Variants in PROS1 observed in about 807,000 individuals in gnomAD.
PROS1 encodes the protein vitamin K-dependent protein S.
PROS1 carries 29 observed loss-of-function variants against 75.9 expected under a neutral mutation model. The observed-to-expected ratio is 0.38, with a 90% CI of 0.28 to 0.52. The LOEUF is 0.52. PROS1 is among the 20% of genes least tolerant of loss of function. PROS1 has a pLI of 0.83. For synonymous variants in PROS1, 245 were observed against 280.6 expected (o/e 0.87, Z 1.27); for missense variants, 680 against 810.3 (o/e 0.84, Z 1.95).
At position 93,907,909 on chromosome 3, in the gene PROS1, C is replaced by A. The variant is rs1053862491; in HGVS notation, c.347-1766G>T. Among the ~76,000 whole-genome samples the A allele has an allele frequency of 3.2e-4, 48 of 152,260 alleles. 1 individual carries two copies. Among genetic ancestry groups the A allele is most frequent in the Middle Eastern group, 6.8e-3 (2 of 294 alleles). ...AGGTGTGATGGCTCACACCTGTAATCCCAGCACTTTGGGAGACCAAGGCAG... is the reference window on the plus strand; with the variant it reads ...AGGTGTGATGGCTCACACCTGTAATACCAGCACTTTGGGAGACCAAGGCAG... On this transcript the variant is annotated intron_variant, in intron 4 of 14. Transcript: ENST00000394236.
intron 12 of PROS1, 92 bp from the exon 13 acceptor site, chr3:93,879,406 A>T (rs1708242667): frequency 4.8e-6 from 7 of 1,465,650 alleles, no homozygotes; most frequent in Non-Finnish European, 6.7e-6. Flanking sequence ...TAATATTCAA[A>T]ACTATCTTGT....
intron 3 of PROS1, among the ~76,000 whole-genome samples, chr3:93,917,572 C>G (rs1178667653): frequency 6.6e-6 from 1 of 152,192 alleles, no homozygotes; most frequent in African/African-American, 2.4e-5. Flanking sequence ...CTGGGCTGGC[C>G]AAGCCCAGAG....
chr3:93,939,281 CT>C lies in PROS1; in HGVS notation c.77-11875del, dbSNP rs1709239068. Among the ~76,000 whole-genome samples the C allele has an allele frequency of 3.3e-5, 5 of 152,160 alleles. 1 individual carries two copies. The highest frequency in any genetic ancestry group is 3.3e-4 in the Admixed American group (5 of 15,280). On this transcript the variant is annotated intron_variant, in intron 1 of 14. Coordinates refer to ENST00000394236, the MANE Select transcript of PROS1 (RefSeq NM_000313.4). ...CAGGCATTCTTTTACACATCAGTCC[CT>C]CCCTAGTCTCTGTTCCTAATGCAAC...
At chr3:93,946,921 G>A (rs1279073212) in intron 1 of PROS1, among the ~76,000 whole-genome samples, 1 of 150,522 alleles carries the variant, frequency 6.6e-6, no homozygotes, top group Non-Finnish European at 1.5e-5. Flanking sequence ...CTACCCATCT[G>A]ACAAAGGGCT....
intron 3 of PROS1, among the ~76,000 whole-genome samples, chr3:93,912,794 G>T (rs1260621212): frequency 6.6e-6 from 1 of 152,122 alleles, no homozygotes; most frequent in Non-Finnish European, 1.5e-5. Context: ...TATAATTGGT[G>T]TTAGGCTATT....
chr3:93,895,601 T>C (rs1281591129), intron 9 of PROS1, among the ~76,000 whole-genome samples: 1 of 152,180 alleles, frequency 6.6e-6, no homozygotes, highest in Non-Finnish European at 1.5e-5. Context: ...ATTTTAAAAT[T>C]TGAACTGTAT....
chr3:93,880,664 A>G (rs1303163204), intron 12 of PROS1, among the ~76,000 whole-genome samples: 1 of 152,238 alleles, frequency 6.6e-6, no homozygotes. Flanking sequence ...TCACCTAAAC[A>G]TTTATCTTGA....
Position 93,873,171 on chromosome 3 carries a change from T to C in PROS1, c.*1074A>G, listed in dbSNP as rs1708132099. ...AAATACAGTGAAAAGAATTTATTGTTAAAAACTGTCAGTGAAACATCTGAT... is the reference window on the plus strand; with the variant it reads ...AAATACAGTGAAAAGAATTTATTGTCAAAAACTGTCAGTGAAACATCTGAT... On this transcript the variant is annotated 3_prime_UTR_variant, in exon 15 of 15. Coordinates refer to ENST00000394236, the MANE Select transcript of PROS1 (RefSeq NM_000313.4). The C allele has an allele frequency of 6.6e-6, 1 of 152,340 alleles. No individual in the cohort carries two copies. The highest frequency in any genetic ancestry group is 2.4e-5 in the African/African-American group (1 of 41,592). The allele number at this position is 152,340 out of a possible 1,614,324, so 9.4% of individuals were successfully genotyped here. A position where few individuals can be genotyped will look rare whatever the true frequency, so the allele number is the denominator to read the frequency against.
At chr3:93,891,843 C>T (rs961105096) in intron 10 of PROS1, among the ~76,000 whole-genome samples, 2 of 151,778 alleles carry the variant, frequency 1.3e-5, no homozygotes, top group African/African-American at 4.8e-5. Context: ...GAGGAGGATT[C>T]CTTGAGTTCA....
chr3:93,965,664 AC>A (rs1709777585), intron 1 of PROS1, among the ~76,000 whole-genome samples: 1 of 151,558 alleles, frequency 6.6e-6, no homozygotes, highest in Non-Finnish European at 1.5e-5. Context: ...GTGAGCAAGG[AC>A]CCCCCGGTAA....
intron 1 of PROS1, among the ~76,000 whole-genome samples, chr3:93,936,136 C>A (rs1262359090): frequency 6.7e-6 from 1 of 148,974 alleles, no homozygotes; most frequent in Non-Finnish European, 1.5e-5. Flanking sequence ...GAAGCCCTAA[C>A]ACCCAGTGTG....
intron 10 of PROS1, among the ~76,000 whole-genome samples, chr3:93,890,871 TGAG>T (rs1282312188): frequency 1.3e-5 from 2 of 152,144 alleles, no homozygotes; most frequent in East Asian, 3.9e-4. Context: ...TTTGGGAGGC[TGAG>T]GAGAATTGAT....
chr3:93,904,497 A>G (rs1708644983), intron 6 of PROS1, among the ~76,000 whole-genome samples: 3 of 152,228 alleles, frequency 2.0e-5, no homozygotes, highest in African/African-American at 7.2e-5. Flanking sequence ...TTATCATACT[A>G]AACACTGCTA....
At chr3:93,947,281 G>C (rs1709418677) in intron 1 of PROS1, among the ~76,000 whole-genome samples, 3 of 152,140 alleles carry the variant, frequency 2.0e-5, no homozygotes, top group Admixed American at 6.6e-5. Flanking sequence ...CAAGGATCTG[G>C]AATCAACAGA....
chr3:93,910,256 A>G (rs1708740567), intron 4 of PROS1, among the ~76,000 whole-genome samples: 1 of 152,236 alleles, frequency 6.6e-6, no homozygotes. Flanking sequence ...AAAAGTTAGA[A>G]GAATAAACAT....
chr3:93,914,812 A>G (rs572362553), intron 3 of PROS1, among the ~76,000 whole-genome samples: 17 of 152,274 alleles, frequency 1.1e-4, no homozygotes, highest in Non-Finnish European at 2.5e-4. Context: ...GTAGTCTTTT[A>G]TCTTTCACCC....
intron 3 of PROS1, among the ~76,000 whole-genome samples, chr3:93,913,794 C>G (rs1263062228): frequency 2.0e-5 from 3 of 152,196 alleles, no homozygotes; most frequent in African/African-American, 7.2e-5. Context: ...AAAGTCTCAT[C>G]TAAATCAGAT....
chr3:93,913,817 C>T (rs1708797047), intron 3 of PROS1, among the ~76,000 whole-genome samples: 1 of 152,154 alleles, frequency 6.6e-6, no homozygotes. Context: ...GGGTGAGACT[C>T]AAGGCATGAT....
At chr3:93,913,542 C>G (rs1708792077) in intron 3 of PROS1, among the ~76,000 whole-genome samples, 3 of 152,116 alleles carry the variant, frequency 2.0e-5, no homozygotes, top group Non-Finnish European at 2.9e-5. Flanking sequence ...TATAAATTAC[C>G]CAGTCTCAGG....
Sources: allele counts gnomAD v4.1 joint callset (sites outside exome capture counted in the v4.1 genomes callset), GRCh38; gene constraint gnomAD v4.1.1; transcripts MANE v1.5; gene names NCBI Gene and HGNC (gene_info 2026-07-23, HGNC 2026-07-21).